The following PCDH7 variants were observed in gnomAD, a reference collection of about 807,000 sequenced individuals.
PCDH7 encodes protocadherin-7.
PCDH7 carries 17 observed loss-of-function variants against 58.9 expected under a neutral mutation model. That is an observed-to-expected ratio of 0.29 (90% CI 0.20 to 0.43). The LOEUF (loss-of-function observed/expected upper bound fraction) is 0.43, where lower values mean the gene tolerates loss of function less well. PCDH7 is among the 20% of genes least tolerant of loss of function. PCDH7 has a pLI of 1.00. For synonymous variants in PCDH7, 664 were observed against 616.4 expected (o/e 1.08, Z -1.14); for missense variants, 1,274 against 1,441.0 (o/e 0.88, Z 1.88).
intron 3 of PCDH7, among the ~76,000 whole-genome samples, chr4:30,984,987 G>A (rs1031830537): frequency 6.6e-6 from 1 of 151,974 alleles, no homozygotes; most frequent in Non-Finnish European, 1.5e-5. Flanking sequence ...TGTTGTTTTG[G>A]ACAGAGTCTT....
At chr4:31,014,862 AGG>A (rs1753484744) in intron 3 of PCDH7, among the ~76,000 whole-genome samples, 1 of 152,140 alleles carries the variant, frequency 6.6e-6, no homozygotes. Context: ...GTTCCTGCAC[AGG>A]ATTTACCCCT....
At chr4:30,781,385 C>T (rs1722756252) in intron 1 of PCDH7, among the ~76,000 whole-genome samples, 1 of 152,050 alleles carries the variant, frequency 6.6e-6, no homozygotes, top group South Asian at 2.1e-4. Context: ...CGTGAACCGC[C>T]GGCCTCGGCC....
chr4:30,922,608 G>A (rs889571822), intron 2 of PCDH7, among the ~76,000 whole-genome samples: 1 of 152,062 alleles, frequency 6.6e-6, no homozygotes, highest in Non-Finnish European at 1.5e-5. Context: ...AAAATATAAA[G>A]TATACTGAGA....
intron 1 of PCDH7, among the ~76,000 whole-genome samples, chr4:30,768,693 T>C (rs1721040204): frequency 6.6e-6 from 1 of 152,236 alleles, no homozygotes; most frequent in East Asian, 1.9e-4. Context: ...ACAGTGTACA[T>C]GTACATTTTC....
intron 3 of PCDH7, among the ~76,000 whole-genome samples, chr4:31,076,068 A>G (rs1177564202): frequency 6.6e-6 from 1 of 152,176 alleles, no homozygotes; most frequent in Non-Finnish European, 1.5e-5. Flanking sequence ...TGTGGCATAT[A>G]TATTTCATTC....
chr4:30,937,087 C>T (rs1264653869), intron 2 of PCDH7, among the ~76,000 whole-genome samples: 2 of 151,920 alleles, frequency 1.3e-5, no homozygotes, highest in Non-Finnish European at 2.9e-5. Flanking sequence ...GGAGTTGGTC[C>T]CATGACTCCC....
chr4:31,016,169 C>A (rs1753585199), intron 3 of PCDH7, among the ~76,000 whole-genome samples: 1 of 152,070 alleles, frequency 6.6e-6, no homozygotes. Flanking sequence ...TATTAATGAC[C>A]AATGTTCAGG....
At chr4:30,845,633 T>C (rs756821661) in intron 1 of PCDH7, among the ~76,000 whole-genome samples, 1 of 152,182 alleles carries the variant, frequency 6.6e-6, no homozygotes, top group Non-Finnish European at 1.5e-5. Flanking sequence ...GGTCTACTTC[T>C]GTCATCCAGG....
chr4:31,124,763 C>T (rs1718096225), intron 3 of PCDH7, among the ~76,000 whole-genome samples: 1 of 152,186 alleles, frequency 6.6e-6, no homozygotes, highest in Admixed American at 6.5e-5. Flanking sequence ...GAAATCTGTA[C>T]ATTCTTTTCC....
intron 1 of PCDH7, among the ~76,000 whole-genome samples, chr4:30,789,053 C>G (rs998771514): frequency 6.6e-6 from 1 of 152,050 alleles, no homozygotes; most frequent in East Asian, 1.9e-4. Flanking sequence ...TATGAATTGA[C>G]AGTTGTTGCT....
chr4:30,726,805 T>C (rs148311929), intron 1 of PCDH7, among the ~76,000 whole-genome samples: 1,915 of 152,064 alleles, frequency 0.013, 33 homozygotes, highest in African/African-American at 0.044. Flanking sequence ...TAATTAGTAA[T>C]AGTAATTGAT....
chr4:30,771,940 G>T (rs1008756731), intron 1 of PCDH7, among the ~76,000 whole-genome samples: 1 of 151,522 alleles, frequency 6.6e-6, no homozygotes, highest in South Asian at 2.1e-4. Context: ...GTGTGATCTC[G>T]GCTCATTGGA....
chr4:31,100,034 G>A (rs1714694660), intron 3 of PCDH7, among the ~76,000 whole-genome samples: 1 of 152,000 alleles, frequency 6.6e-6, no homozygotes, highest in Non-Finnish European at 1.5e-5. Flanking sequence ...AGGAAACTTG[G>A]CTGAGTATGG....
At chr4:30,971,248 C>T (rs1749556319) in intron 3 of PCDH7, among the ~76,000 whole-genome samples, 1 of 152,134 alleles carries the variant, frequency 6.6e-6, no homozygotes, top group East Asian at 1.9e-4. Context: ...AGAACTAGCA[C>T]AGGTTATATT....
chr4:31,038,968 T>C lies in PCDH7; in HGVS notation c.*7+88753T>C, dbSNP rs1174919466. Among the ~76,000 whole-genome samples the C allele has an allele frequency of 2.6e-5, 4 of 152,154 alleles. 1 individual carries two copies. The highest frequency in any genetic ancestry group is 2.4e-5 in the African/African-American group (1 of 41,442). ...GGAATGACAGCAGTAACTTACCAGA[T>C]AGTGTTTTCAAAGAGTAAATTAGCA... is the stretch of plus-strand genomic sequence containing the variant. On this transcript the variant is annotated intron_variant, in intron 3 of 3. Coordinates refer to the PCDH7 transcript ENST00000509759.
chr4:30,861,120 T>A (rs998196268), intron 1 of PCDH7, among the ~76,000 whole-genome samples: 3 of 152,152 alleles, frequency 2.0e-5, no homozygotes, highest in Non-Finnish European at 4.4e-5. Context: ...TCTTGGGTTG[T>A]TTGCTGAATC....
chr4:30,848,677 T>G (rs1164389802), intron 1 of PCDH7, among the ~76,000 whole-genome samples: 1 of 152,106 alleles, frequency 6.6e-6, no homozygotes, highest in Non-Finnish European at 1.5e-5. Context: ...CAGTTTGTAT[T>G]CCAACAGTAG....
chr4:30,734,736 G>C (rs1031767848), downstream of PCDH7, among the ~76,000 whole-genome samples: 11 of 152,168 alleles, frequency 7.2e-5, no homozygotes, highest in African/African-American at 2.7e-4. Context: ...GCTGGGCTTA[G>C]AGGAGGCACT....
rs550026695 is a variant in PCDH7, at chr4:31,074,316, T to C, written c.*8-68157T>C. Among the ~76,000 whole-genome samples the C allele has an allele frequency of 2.6e-5, 4 of 151,584 alleles. 1 individual carries two copies. The South Asian group carries it at 8.3e-4, about 32-fold the overall frequency. On this transcript the variant is annotated intron_variant, in intron 3 of 3. Coordinates refer to the PCDH7 transcript ENST00000509759. Reference sequence around the variant, plus strand: ...TTAGCACATTACTGTTTTCTGAAGATCTAGGGCAATAGGTGTTTAGTTGAA... The same window carrying C: ...TTAGCACATTACTGTTTTCTGAAGACCTAGGGCAATAGGTGTTTAGTTGAA...
Sources: gnomAD v4.1 joint callset for allele counts (sites outside exome capture counted in the v4.1 genomes callset) on GRCh38, gnomAD v4.1.1 for gene constraint, MANE v1.5 for transcripts, NCBI Gene and HGNC (gene_info 2026-07-23, HGNC 2026-07-21) for gene names.